CMC1: variants seen among roughly 807,000 people sequenced by gnomAD.
CMC1 encodes the protein COX assembly mitochondrial protein homolog.
In CMC1, 14 loss-of-function variants were observed where a neutral mutation model predicts 14.1. The ratio of observed to expected loss-of-function variants is 0.99; its 90% CI spans 0.66 to 1.55. The LOEUF is 1.55. Ranked by LOEUF, CMC1 falls within the 40% of genes most tolerant of loss-of-function variation. CMC1 has a pLI of 0.00. For missense variants in CMC1, 127 were observed against 123.8 expected (o/e 1.03, Z -0.12); for synonymous variants, 50 against 38.4 (o/e 1.30, Z -1.12).
chr3:28,305,779 ATTTTTTTTTT>A (rs71087685), intron 2 of CMC1, among the ~76,000 whole-genome samples: 3 of 43,534 alleles, frequency 6.9e-5, no homozygotes, highest in African/African-American at 2.2e-4. Flanking sequence ...TTTCATAGGA[ATTTTTTTTTT>A]TTTTTTTTTT....
At position 28,257,971 on chromosome 3, in the gene CMC1, C is replaced by T. The variant is rs530073024; in HGVS notation, c.20-5320C>T. ...ACATTCTCTCCAACGTTGGTGTTGT[C>T]ATTATTTTTAATTTTAGTCATTCTT... On this transcript the variant is annotated intron_variant, in intron 1 of 3. Transcript: ENST00000466830. Among the ~76,000 whole-genome samples the T allele has an allele frequency of 7.3e-5, 11 of 150,936 alleles. No individual in the cohort carries two copies. The South Asian group carries it at 2.1e-3, about 29-fold the overall frequency.
At chr3:28,277,870 C>CT (rs1700660224) in intron 2 of CMC1, among the ~76,000 whole-genome samples, 1 of 152,152 alleles carries the variant, frequency 6.6e-6, no homozygotes, top group African/African-American at 2.4e-5. Context: ...GAGGCAGAAT[C>CT]TTTCAGGGTC....
At chr3:28,308,026 G>T (rs1224593264) in intron 2 of CMC1, among the ~76,000 whole-genome samples, 1 of 151,914 alleles carries the variant, frequency 6.6e-6, no homozygotes, top group African/African-American at 2.4e-5. Flanking sequence ...GTTCTCTTCC[G>T]CATCTGTCTT....
intron 2 of CMC1, among the ~76,000 whole-genome samples, chr3:28,266,293 C>T (rs921672755): frequency 6.6e-6 from 1 of 152,096 alleles, no homozygotes; most frequent in African/African-American, 2.4e-5. Flanking sequence ...TAATTTTAAT[C>T]TGGAATTACA....
chr3:28,249,892 G>C (rs1340687911), intron 1 of CMC1, among the ~76,000 whole-genome samples: 2 of 152,174 alleles, frequency 1.3e-5, no homozygotes. Context: ...CTCTCTTCCT[G>C]ACTTGCAGAT....
intron 1 of CMC1, among the ~76,000 whole-genome samples, chr3:28,259,343 A>G (rs990490181): frequency 2.0e-5 from 3 of 152,106 alleles, no homozygotes; most frequent in African/African-American, 4.8e-5. Context: ...GTATAAAACA[A>G]TGTTACACCC....
intron 1 of CMC1, among the ~76,000 whole-genome samples, chr3:28,262,873 C>G (rs1428999394): frequency 1.2e-4 from 18 of 152,104 alleles, no homozygotes; most frequent in Admixed American, 9.2e-4. Context: ...TTAGGCTACT[C>G]TTACTACTAG....
intron 1 of CMC1, among the ~76,000 whole-genome samples, chr3:28,252,281 A>G (rs1033394053): frequency 2.6e-5 from 4 of 152,192 alleles, no homozygotes; most frequent in African/African-American, 9.7e-5. Flanking sequence ...AGCTGATAGG[A>G]CAGAGAAGCT....
At chr3:28,244,685 C>T (rs1330473654) in intron 1 of CMC1, among the ~76,000 whole-genome samples, 1 of 151,402 alleles carries the variant, frequency 6.6e-6, no homozygotes, top group Admixed American at 6.6e-5. Flanking sequence ...GAGGTTGCGC[C>T]ACTGCACTCC....
intron 1 of CMC1, among the ~76,000 whole-genome samples, chr3:28,248,398 T>C (rs149551953): frequency 1.3e-5 from 2 of 152,340 alleles, no homozygotes; most frequent in African/African-American, 4.8e-5. Flanking sequence ...GACTGACTTA[T>C]TGTCTCAGAC....
At chr3:28,308,331 T>C (rs1246836182) in intron 2 of CMC1, among the ~76,000 whole-genome samples, 1 of 152,164 alleles carries the variant, frequency 6.6e-6, no homozygotes, top group Non-Finnish European at 1.5e-5. Flanking sequence ...ATACAATACA[T>C]TGAGCAATAT....
In CMC1 at chr3:28,323,299, A is replaced by G. The variant is rs1030686133; in HGVS notation, c.*3670A>G. The G allele has an allele frequency of 1.3e-5, 2 of 151,120 alleles. No individual in the cohort carries two copies. Among genetic ancestry groups the G allele is most frequent in the African/African-American group, 4.9e-5 (2 of 41,224 alleles). 9.4% of individuals were successfully genotyped at this position (151,120 alleles called of 1,614,324 possible). ...TGATGCTCCTTCTACTACTTATTGA[A>G]TAGTGTGTAGGGTTACAATCATTTG... On this transcript the variant is annotated 3_prime_UTR_variant, in exon 4 of 4. Coordinates refer to ENST00000466830, the MANE Select transcript of CMC1 (RefSeq NM_182523.2).
rs1265139321 is a variant in CMC1, at chr3:28,274,206, G to GTTTTTTTTTTT, written c.109+10831_109+10832insTTTTTTTTTTT. Among the ~76,000 whole-genome samples the GTTTTTTTTTTT allele has an allele frequency of 4.4e-3, 363 of 82,964 alleles. 36 individuals are homozygous for GTTTTTTTTTTT. The highest frequency in any genetic ancestry group is 0.027 in the East Asian group (60 of 2,236). 54.4% of individuals were successfully genotyped at this position (82,964 alleles called of 152,430 possible). A position where few individuals can be genotyped will look rare whatever the true frequency, so the allele number is the denominator to read the frequency against. On this transcript the variant is annotated intron_variant, in intron 2 of 3. Transcript: ENST00000466830. ...GTGTCATTGGTCTTTGTACTAAAGT[G>GTTTTTTTTTTT]TTTTTGTTTTTTTCTTTTTTTTTTT... is the stretch of plus-strand genomic sequence containing the variant.
chr3:28,250,035 G>A (rs750682401), intron 1 of CMC1, among the ~76,000 whole-genome samples: 11 of 152,088 alleles, frequency 7.2e-5, no homozygotes, highest in Non-Finnish European at 1.6e-4. Context: ...TAATCCTATC[G>A]AATTAAGGCC....
At chr3:28,265,645 C>A (rs1699970101) in intron 2 of CMC1, among the ~76,000 whole-genome samples, 1 of 151,886 alleles carries the variant, frequency 6.6e-6, no homozygotes, top group Admixed American at 6.6e-5. Flanking sequence ...TTCAACCCAG[C>A]TGATCATAAG....
chr3:28,285,769 A>ATT lies in CMC1; in HGVS notation c.109+22403_109+22404dup, dbSNP rs34243188. On this transcript the variant is annotated intron_variant, in intron 2 of 3. Coordinates refer to ENST00000466830, the MANE Select transcript of CMC1 (RefSeq NM_182523.2). Reference sequence around the variant, plus strand: ...TATATTGTCCAGGTAAATTCTCAGCATTTTTTTTTTTTTTTGAGACAGAGT... The same window carrying ATT: ...TATATTGTCCAGGTAAATTCTCAGCATTTTTTTTTTTTTTTTTGAGACAGAGT... Among the ~76,000 whole-genome samples, 31 of 142,456 alleles carry ATT rather than the reference A, an allele frequency of 2.2e-4. 1 individual carries two copies. Among genetic ancestry groups the ATT allele is most frequent in the Admixed American group, 1.8e-3 (26 of 14,298 alleles). 93.5% of individuals were successfully genotyped at this position (142,456 alleles called of 152,430 possible).
rs892401667 is a variant in CMC1 at position 28,257,832 on chromosome 3, G to A, written c.20-5459G>A. Among the ~76,000 whole-genome samples the A allele has an allele frequency of 6.6e-5, 10 of 152,042 alleles. No individual in the cohort carries two copies. The East Asian group carries it at 1.7e-3, about 26-fold the overall frequency. On this transcript the variant is annotated intron_variant, in intron 1 of 3. Transcript: ENST00000466830. ...CAGGACTTATATTTTCATTTATCTT[G>A]CATAAGTGAATACCTAGGAGTGGAA...
intron 1 of CMC1, among the ~76,000 whole-genome samples, chr3:28,260,431 A>G (rs975653155): frequency 2.0e-5 from 3 of 152,044 alleles, no homozygotes; most frequent in African/African-American, 7.2e-5. Flanking sequence ...AAATTTGTTC[A>G]TAATATTCCC....
At chr3:28,268,513 C>T (rs1015955340) in intron 2 of CMC1, among the ~76,000 whole-genome samples, 1 of 152,056 alleles carries the variant, frequency 6.6e-6, no homozygotes, top group Non-Finnish European at 1.5e-5. Context: ...TAACATGTAC[C>T]AAAATTTCAG....
Sources: gnomAD v4.1 joint callset for allele counts (sites outside exome capture counted in the v4.1 genomes callset) on GRCh38, gnomAD v4.1.1 for gene constraint, MANE v1.5 for transcripts, NCBI Gene and HGNC (gene_info 2026-07-23, HGNC 2026-07-21) for gene names.